Variants in R3HDM1 observed in about 807,000 individuals in gnomAD.
The protein encoded by R3HDM1 is R3H domain containing 1, also known as R3H domain-containing protein 1.
Under a neutral mutation model 141.1 loss-of-function variants are expected in R3HDM1, and 46 were observed. The ratio of observed to expected loss-of-function variants is 0.33; its 90% CI spans 0.26 to 0.42. The LOEUF is 0.42. Among genes scored for constraint, R3HDM1 ranks in the 10% least tolerant of loss-of-function variants. R3HDM1 has a pLI of 1.00. For missense variants in R3HDM1, 1,184 were observed against 1,368.3 expected (o/e 0.87, Z 2.12); for synonymous variants, 435 against 472.9 (o/e 0.92, Z 1.04).
intron 3 of R3HDM1, among the ~76,000 whole-genome samples, chr2:135,612,895 C>G (rs1017828628): frequency 1.3e-5 from 2 of 152,138 alleles, no homozygotes; most frequent in African/African-American, 4.8e-5. Flanking sequence ...CTTTAATAAA[C>G]AACTTGTTTT....
chr2:135,678,373 C>G (rs1470796111), intron 20 of R3HDM1, among the ~76,000 whole-genome samples: 1 of 152,098 alleles, frequency 6.6e-6, no homozygotes, highest in Non-Finnish European at 1.5e-5. Flanking sequence ...ACTTACTAAT[C>G]TAAGGTCTTA....
At position 135,622,198 on chromosome 2, in the gene R3HDM1, A is replaced by G. The variant is rs1040652647; in HGVS notation, c.419-456A>G. 2.0e-5 allele frequency: 20 copies of G among 984,922 alleles called. No homozygotes were observed. In the African/African-American group the frequency reaches 3.1e-4, roughly 15 times the overall value. The allele number at this position is 984,922 out of a possible 1,614,324, so 61.0% of individuals were successfully genotyped here. A position where few individuals can be genotyped will look rare whatever the true frequency, so the allele number is the denominator to read the frequency against. The stretch of plus-strand genomic sequence containing the variant: ...GTAGTAATAGACCTGACAAAAATCA[A>G]ATTCTTTCACAACTAAAATTTCTAT... On this transcript the variant is annotated intron_variant, in intron 6 of 26. Coordinates refer to ENST00000683871, the MANE Select transcript of R3HDM1 (RefSeq NM_001378107.1).
At chr2:135,575,967 T>C (rs1245292321) in intron 1 of R3HDM1, among the ~76,000 whole-genome samples, 1 of 152,220 alleles carries the variant, frequency 6.6e-6, no homozygotes, top group African/African-American at 2.4e-5. Context: ...CTGGTGGGAC[T>C]AGCTCTACCA....
intron 1 of R3HDM1, among the ~76,000 whole-genome samples, chr2:135,556,807 C>T (rs1700864358): frequency 6.6e-6 from 1 of 151,950 alleles, no homozygotes; most frequent in Non-Finnish European, 1.5e-5. Context: ...CATGAGCCAC[C>T]GGGCCTAGCC....
intron 3 of R3HDM1, among the ~76,000 whole-genome samples, chr2:135,614,075 G>T (rs1176524861): frequency 6.6e-6 from 1 of 152,160 alleles, no homozygotes; most frequent in African/African-American, 2.4e-5. Flanking sequence ...CATCTTCATA[G>T]CTCTAGTGCC....
intron 4 of R3HDM1, among the ~76,000 whole-genome samples, 161 bp downstream of exon 4, chr2:135,616,354 G>A (rs914494991): frequency 2.0e-5 from 3 of 152,092 alleles, no homozygotes; most frequent in African/African-American, 2.4e-5. Flanking sequence ...TTGCCTAGTC[G>A]CTTTTGTGCA....
chr2:135,641,871 A>T, intron 15 of R3HDM1, 81 bp downstream of exon 15: 1 of 1,392,576 alleles, frequency 7.2e-7, no homozygotes, highest in East Asian at 2.4e-5. Context: ...GAATATGTGT[A>T]GTCAGCTTTT....
At position 135,650,491 on chromosome 2, in the gene R3HDM1, A is replaced by G; in HGVS notation, c.1725+488A>G. The G allele has an allele frequency of 3.1e-6, 3 of 978,994 alleles. No homozygotes were observed. The South Asian group carries it at 1.4e-4, about 46-fold the overall frequency. The allele number at this position is 978,994 out of a possible 1,614,324, so 60.6% of individuals were successfully genotyped here. On this transcript the variant is annotated intron_variant, in intron 17 of 26. Transcript: ENST00000683871. The stretch of plus-strand genomic sequence containing the variant: ...TTTAATCTGTGACTGTAAAGTAATG[A>G]TACTTTCTTCTATCCAAAGTATGCC...
rs2060234052 is a variant in R3HDM1 at position 135,608,120 on chromosome 2, C to G, written c.171+3104C>G. ...CACAAGGTCAGGAGTTCGAGACCAG[C>G]CTGACCAACATGGTGAAACCCTGTC... On this transcript the variant is annotated intron_variant, in intron 3 of 26. Transcript: ENST00000683871. 2.7e-5 allele frequency: 7 copies of G among 262,440 alleles called. No homozygotes were observed. In the Admixed American group the frequency reaches 4.5e-4, roughly 17 times the overall value. 16.3% of individuals were successfully genotyped at this position (262,440 alleles called of 1,614,324 possible).
intron 3 of R3HDM1, among the ~76,000 whole-genome samples, chr2:135,611,468 A>G (rs1445035557): frequency 6.6e-6 from 1 of 152,178 alleles, no homozygotes; most frequent in Non-Finnish European, 1.5e-5. Flanking sequence ...GCTATTAACA[A>G]TGTTATAATT....
At chr2:135,691,615 A>G (rs928335070) in intron 21 of R3HDM1, among the ~76,000 whole-genome samples, 1 of 151,978 alleles carries the variant, frequency 6.6e-6, no homozygotes, top group African/African-American at 2.4e-5. Flanking sequence ...AAACAGAAGT[A>G]AAGAGATTTT....
At chr2:135,556,441 G>A (rs1010711795) in intron 1 of R3HDM1, among the ~76,000 whole-genome samples, 1 of 151,478 alleles carries the variant, frequency 6.6e-6, no homozygotes, top group South Asian at 2.1e-4. Flanking sequence ...ATCAAAAAAT[G>A]AAAAAATCAA....
intron 17 of R3HDM1, 181 bp from the exon 18 acceptor site, chr2:135,651,546 ATAT>A: frequency 1.1e-6 from 1 of 931,270 alleles, no homozygotes; most frequent in Non-Finnish European, 1.3e-6. Context: ...ATAATTTATA[ATAT>A]TCAACAATAG....
intron 7 of R3HDM1, chr2:135,623,049 G>T (rs2061656080): frequency 1.0e-6 from 1 of 978,368 alleles, no homozygotes; most frequent in Non-Finnish European, 1.2e-6. Flanking sequence ...TCACCATAGT[G>T]CACTCAACCA....
At chr2:135,586,597 G>A in intron 1 of R3HDM1, 1 of 606,330 alleles carries the variant, frequency 1.6e-6, no homozygotes, top group Non-Finnish European at 2.1e-6. Context: ...ATTTTTGTTA[G>A]AGGATGTGTG....
intron 21 of R3HDM1, among the ~76,000 whole-genome samples, chr2:135,689,895 G>A (rs572369269): frequency 4.6e-5 from 7 of 152,116 alleles, no homozygotes; most frequent in South Asian, 4.2e-4. Flanking sequence ...CATTTTTACC[G>A]GTTCTTCTCC....
chr2:135,645,286 G>T, intron 15 of R3HDM1, 93 bp from the exon 16 acceptor site: 1 of 1,116,438 alleles, frequency 9.0e-7, no homozygotes, highest in Non-Finnish European at 1.3e-6. Flanking sequence ...TGTGGTTAAA[G>T]GATTTTGGAC....
At chr2:135,680,493 G>C (rs376179010) in intron 21 of R3HDM1, among the ~76,000 whole-genome samples, 169 bp downstream of exon 21, 1 of 152,228 alleles carries the variant, frequency 6.6e-6, no homozygotes, top group African/African-American at 2.4e-5. Context: ...CTTTCGGCTA[G>C]GTACGGTGGC....
chr2:135,697,867 A>C (rs910224447), intron 21 of R3HDM1, among the ~76,000 whole-genome samples: 2 of 151,996 alleles, frequency 1.3e-5, no homozygotes, highest in Non-Finnish European at 2.9e-5. Flanking sequence ...CAGCCTGACC[A>C]ATATAGTGAA....
Sources: allele counts gnomAD v4.1 joint callset (sites outside exome capture counted in the v4.1 genomes callset), GRCh38; gene constraint gnomAD v4.1.1; transcripts MANE v1.5; gene names NCBI Gene and HGNC (gene_info 2026-07-23, HGNC 2026-07-21).